DMXL1: variants seen among roughly 807,000 people sequenced by gnomAD.
DMXL1 encodes the protein dmX-like protein 1.
Under a neutral mutation model 319.2 loss-of-function variants are expected in DMXL1, and 99 were observed. The ratio of observed to expected loss-of-function variants is 0.31; its 90% confidence interval spans 0.26 to 0.37. The LOEUF is 0.37. Ranked by LOEUF, DMXL1 falls within the 10% of genes least tolerant of loss-of-function variation. DMXL1 has a pLI of 1.00. For missense variants in DMXL1, 3,745 were observed against 3,595.6 expected, an observed-to-expected ratio of 1.04 and a Z score of -1.06; for synonymous variants, 1,385 against 1,235.2, an observed-to-expected ratio of 1.12 and a Z score of -2.54.
At chr5:119,211,281 C>G (rs1248929196) in intron 34 of DMXL1, among the ~76,000 whole-genome samples, 1 of 152,188 alleles carries the variant, frequency 6.6e-6, no homozygotes, top group African/African-American at 2.4e-5. Flanking sequence ...AATGAATTGA[C>G]GAAGGTTCTG....
chr5:119,228,422 A>G (rs1296763265), intron 38 of DMXL1, among the ~76,000 whole-genome samples: 2 of 152,234 alleles, frequency 1.3e-5, no homozygotes, highest in African/African-American at 4.8e-5. Flanking sequence ...CTTCTGTGGC[A>G]TACAATATTT....
At chr5:119,227,696 G>A (rs1347880640) in intron 38 of DMXL1, among the ~76,000 whole-genome samples, 1 of 151,962 alleles carries the variant, frequency 6.6e-6, no homozygotes, top group African/African-American at 2.4e-5. Context: ...CTGATTCTGT[G>A]CATAGTCTCC....
chr5:119,176,334 G>A (rs955645691), intron 26 of DMXL1, among the ~76,000 whole-genome samples: 6 of 151,834 alleles, frequency 4.0e-5, no homozygotes, highest in Non-Finnish European at 7.4e-5. Flanking sequence ...TTAATTTTTG[G>A]TTGTCTGTCC....
At chr5:119,169,040 C>T (rs1420821537) in intron 23 of DMXL1, among the ~76,000 whole-genome samples, 1 of 151,974 alleles carries the variant, frequency 6.6e-6, no homozygotes, top group Non-Finnish European at 1.5e-5. Flanking sequence ...TAGCGGGGAC[C>T]ACAGGTGTGT....
chr5:119,080,133 G>C (rs989417164), intron 1 of DMXL1, among the ~76,000 whole-genome samples: 4 of 152,150 alleles, frequency 2.6e-5, no homozygotes, highest in African/African-American at 9.7e-5. Context: ...GATTGCTTGA[G>C]GTCAGGAGTT....
intron 5 of DMXL1, among the ~76,000 whole-genome samples, chr5:119,114,214 A>G (rs1482592771): frequency 6.6e-6 from 1 of 152,232 alleles, no homozygotes; most frequent in African/African-American, 2.4e-5. Context: ...CTCTCATTCT[A>G]AGGGAATGAA....
rs750960555 is a variant in DMXL1, at chr5:119,071,702, C to G, written c.87+46C>G. 164 of 1,527,392 alleles carry G rather than the reference C, an allele frequency of 1.1e-4. 2 individuals carry two copies. The South Asian group carries it at 1.7e-3, about 16-fold the overall frequency. The allele number at this position is 1,527,392 out of a possible 1,614,324, so 94.6% of individuals were successfully genotyped here. A position where few individuals can be genotyped will look rare whatever the true frequency, so the allele number is the denominator to read the frequency against. ...CGTCGCCCGTGGCCCGGCCTTTGCC[C>G]GTCATTCTGGGCCGAGCTTGGCCCA... On this transcript the variant is annotated intron_variant, in intron 1 of 43. Coordinates refer to ENST00000539542, the MANE Select transcript of DMXL1 (RefSeq NM_001290321.3).
chr5:119,210,562 C>G (rs532660141), intron 34 of DMXL1, among the ~76,000 whole-genome samples: 1 of 152,016 alleles, frequency 6.6e-6, no homozygotes, highest in Admixed American at 6.6e-5. Context: ...ACTAAACTAC[C>G]TCTTTCACCT....
intron 38 of DMXL1, among the ~76,000 whole-genome samples, chr5:119,228,176 A>C (rs534597942): frequency 6.6e-6 from 1 of 152,170 alleles, no homozygotes; most frequent in African/African-American, 2.4e-5. Flanking sequence ...GAGTTCTGGA[A>C]GTTCTTACAC....
intron 38 of DMXL1, among the ~76,000 whole-genome samples, chr5:119,229,570 A>C (rs942555401): frequency 6.6e-6 from 1 of 152,168 alleles, no homozygotes; most frequent in Non-Finnish European, 1.5e-5. Flanking sequence ...CCTCTTTCCC[A>C]ATATGGAACA....
intron 22 of DMXL1, among the ~76,000 whole-genome samples, chr5:119,167,180 C>A (rs555612069): frequency 1.2e-4 from 18 of 152,062 alleles, no homozygotes; most frequent in African/African-American, 4.3e-4. Flanking sequence ...ATTTAAGATA[C>A]AACATTTCTG....
chr5:119,153,482 C>T (rs1010699040), intron 19 of DMXL1, among the ~76,000 whole-genome samples: 1 of 152,124 alleles, frequency 6.6e-6, no homozygotes, highest in African/African-American at 2.4e-5. Flanking sequence ...ATACAATACA[C>T]TATTATTAAA....
At position 119,133,892 on chromosome 5, in the gene DMXL1, A is replaced by T. The variant is rs368727794; in HGVS notation, c.1968A>T (p.Ser656=). ...HSVLPLLLTT[S]HHNALRTPDV... ...TATTACCATTATTGCTGACAACATC[A>T]CACCATAATGCATTAAGGACACCAG... The change falls in exon 12 of 44, where the codon TCA becomes TCT. Residue 656 remains serine, a synonymous_variant. Coordinates refer to ENST00000539542, the MANE Select transcript of DMXL1 (RefSeq NM_001290321.3). The T allele has an allele frequency of 1.2e-6, 2 of 1,614,142 alleles. No homozygotes were observed. Among genetic ancestry groups the T allele is most frequent in the African/African-American group, 2.7e-5 (2 of 75,050 alleles).
At chr5:119,220,729 G>C in intron 36 of DMXL1, 136 bp downstream of exon 36, 3 of 1,212,242 alleles carry the variant, frequency 2.5e-6, no homozygotes, top group Non-Finnish European at 3.4e-6. Flanking sequence ...CTAAATGAGG[G>C]GTGGCAAGAG....
chr5:119,177,347 T>C lies in DMXL1; in HGVS notation c.6759-10T>C, dbSNP rs4421136. 28,743 of 1,481,722 alleles carry C rather than the reference T, an allele frequency of 0.019. 3,398 individuals carry two copies. The African/African-American group carries it at 0.3, about 15-fold the overall frequency. 91.8% of individuals were successfully genotyped at this position (1,481,722 alleles called of 1,614,324 possible). Reference sequence around the variant, plus strand: ...TTATCATAGATTTAAATATTGTTTTTTTCTCTTAGTTCATTTCAGACGAAT... The same window carrying C: ...TTATCATAGATTTAAATATTGTTTTCTTCTCTTAGTTCATTTCAGACGAAT... On this transcript the variant is annotated splice_polypyrimidine_tract_variant and intron_variant, in intron 26 of 43. Transcript: ENST00000539542.
chr5:119,160,544 T>C (rs1772058082), intron 19 of DMXL1, among the ~76,000 whole-genome samples: 1 of 152,224 alleles, frequency 6.6e-6, no homozygotes, highest in Non-Finnish European at 1.5e-5. Flanking sequence ...ACATGTCTTT[T>C]AGGTACATTT....
At chr5:119,167,434 A>G (rs996526194) in intron 22 of DMXL1, among the ~76,000 whole-genome samples, 169 bp from the exon 23 acceptor site, 2 of 152,066 alleles carry the variant, frequency 1.3e-5, no homozygotes, top group African/African-American at 4.8e-5. Flanking sequence ...TGTCAAGTAG[A>G]TTTGCTAAAA....
intron 9 of DMXL1, among the ~76,000 whole-genome samples, chr5:119,121,743 C>A (rs1487333396): frequency 1.3e-5 from 2 of 152,260 alleles, no homozygotes; most frequent in East Asian, 3.9e-4. Context: ...TCCACCCTTT[C>A]TGTTCCACAA....
chr5:119,233,337 C>T lies in DMXL1; in HGVS notation c.8339-3C>T. 6.2e-7 allele frequency: 1 copy of T among 1,609,194 alleles called. No individual in the cohort carries two copies. Among genetic ancestry groups the T allele is most frequent in the Non-Finnish European group, 8.5e-7 (1 of 1,177,678 alleles). On this transcript the variant is annotated splice_region_variant and splice_polypyrimidine_tract_variant and intron_variant, in intron 38 of 43. Transcript: ENST00000539542. ...CTGCAATTTTTGCCCTCTTGTAATG[C>T]AGATCTGACAGGAGCTCAAGATGGA...
Sources: allele counts gnomAD v4.1 joint callset (sites outside exome capture counted in the v4.1 genomes callset), GRCh38; gene constraint gnomAD v4.1.1; transcripts MANE v1.5; gene names NCBI Gene and HGNC (gene_info 2026-07-23, HGNC 2026-07-21).